MICAL3: variants seen among roughly 807,000 people sequenced by gnomAD.
MICAL3 encodes microtubule associated monooxygenase, calponin and LIM domain containing 3.
A neutral mutation model predicts 207.4 loss-of-function variants in MICAL3; 62 were observed. That is an observed-to-expected ratio of 0.30 (90% confidence interval 0.24 to 0.37). The LOEUF (loss-of-function observed/expected upper bound fraction) is 0.37. Among genes scored for constraint, MICAL3 ranks in the 10% least tolerant of loss-of-function variants. The pLI, the probability that MICAL3 is intolerant of heterozygous loss-of-function variation, is 1.00. For synonymous variants in MICAL3, 1,077 were observed against 1,069.3 expected (o/e 1.01, Z -0.14); for missense variants, 2,368 against 2,635.6 (o/e 0.90, Z 2.22).
intron 1 of MICAL3, among the ~76,000 whole-genome samples, chr22:17,960,014 T>C (rs1934824336): frequency 1.3e-5 from 2 of 152,168 alleles, no homozygotes; most frequent in African/African-American, 4.8e-5. Context: ...TTAACGTCTG[T>C]GGATAAACTG....
intron 1 of MICAL3, among the ~76,000 whole-genome samples, chr22:17,928,801 C>CT (rs994949217): frequency 6.6e-6 from 1 of 152,000 alleles, no homozygotes; most frequent in Non-Finnish European, 1.5e-5. Flanking sequence ...ACCCTTAGAA[C>CT]TTTTTTTTCT....
At chr22:17,822,257 A>G in intron 23 of MICAL3, 87 bp from the exon 24 acceptor site, 4 of 1,475,806 alleles carry the variant, frequency 2.7e-6, no homozygotes, top group Non-Finnish European at 3.6e-6. Context: ...CCACTTGCTC[A>G]TTTGCAACAC....
At chr22:17,799,949 AACAC>A (rs3078144) in intron 29 of MICAL3, among the ~76,000 whole-genome samples, 33,425 of 146,580 alleles carry the variant, frequency 0.23, 4,040 homozygotes, top group South Asian at 0.28. Context: ...CTCACTCTAA[AACAC>A]ACACACACAC....
At chr22:17,957,812 TGAA>T (rs974561847) in intron 1 of MICAL3, among the ~76,000 whole-genome samples, 2 of 151,618 alleles carry the variant, frequency 1.3e-5, no homozygotes, top group Admixed American at 6.6e-5. Context: ...AGAGAAGCTC[TGAA>T]GAAGATGAAA....
chr22:17,958,643 G>C (rs1032752518), intron 1 of MICAL3, among the ~76,000 whole-genome samples: 3 of 152,134 alleles, frequency 2.0e-5, no homozygotes, highest in African/African-American at 7.2e-5. Flanking sequence ...ACCACAAGAA[G>C]TGGGCTGAAG....
intron 19 of MICAL3, chr22:17,861,417 C>T (rs1047840855): frequency 4.1e-6 from 4 of 985,292 alleles, no homozygotes; most frequent in African/African-American, 1.7e-5. Flanking sequence ...CATCTCTGGC[C>T]GGTAATGAAC....
At chr22:17,929,568 CTTTTTTTTT>C (rs67222681) in intron 1 of MICAL3, among the ~76,000 whole-genome samples, 11 of 108,902 alleles carry the variant, frequency 1.0e-4, no homozygotes, top group African/African-American at 2.5e-4. Flanking sequence ...CTTTTCTTTT[CTTTTTTTTT>C]TTTTTTTTTT....
In MICAL3 at chr22:17,841,054, G is replaced by C. The variant is rs1463324615; in HGVS notation, c.2801+768C>G. 6.6e-6 allele frequency: 1 copy of C among 152,272 alleles called. No homozygotes were observed. Among genetic ancestry groups the C allele is most frequent in the Non-Finnish European group, 1.5e-5 (1 of 68,098 alleles). 9.4% of individuals were successfully genotyped at this position (152,272 alleles called of 1,614,324 possible). A position where few individuals can be genotyped will look rare whatever the true frequency, so the allele number is the denominator to read the frequency against. On this transcript the variant is annotated intron_variant, in intron 20 of 31. Coordinates refer to ENST00000441493, the MANE Select transcript of MICAL3 (RefSeq NM_015241.3). The surrounding 1 kb of genome is among the most constrained non-coding windows in gnomAD (Gnocchi z 4.2). The stretch of plus-strand genomic sequence containing the variant: ...ATCCCCACATGTTCCCTTCATCATG[G>C]CTAAATCAAGGTGTGTGATTCAAAT...
chr22:17,833,188 T>C (rs560681319), intron 20 of MICAL3, among the ~76,000 whole-genome samples: 34 of 152,316 alleles, frequency 2.2e-4, no homozygotes, highest in African/African-American at 8.2e-4. Context: ...CAAAACCGGG[T>C]TCCTTGCAAC....
chr22:17,846,295 A>G (rs1924616196), intron 19 of MICAL3, among the ~76,000 whole-genome samples: 1 of 152,178 alleles, frequency 6.6e-6, no homozygotes, highest in African/African-American at 2.4e-5. Context: ...TTCCAAAGGG[A>G]AGGTGGTACT....
chr22:17,830,472 G>A (rs1442542880), intron 21 of MICAL3, among the ~76,000 whole-genome samples: 2 of 152,336 alleles, frequency 1.3e-5, no homozygotes, highest in Non-Finnish European at 2.9e-5. Flanking sequence ...AACGTGCTTC[G>A]ACCCGAAGCT....
At position 17,889,066 on chromosome 22, in the gene MICAL3, T is replaced by C. The variant is rs1310529389; in HGVS notation, c.1859A>G (p.Tyr620Cys). 6.2e-7 allele frequency: 1 copy of C among 1,611,856 alleles called. No homozygotes were observed. Among genetic ancestry groups the C allele is most frequent in the Non-Finnish European group, 8.5e-7 (1 of 1,178,358 alleles). Residue 620 changes from tyrosine to cysteine, a missense_variant, in exon 13 of 32, where the codon TAC (tyrosine) becomes TGC (cysteine). Physicochemically the swap from Tyr to Cys is radical, Grantham distance 194. This residue lies in a region of MICAL3 where 1,770 missense variants were observed against 1,863.2 expected (regional missense o/e 0.95). Coordinates refer to ENST00000441493, the MANE Select transcript of MICAL3 (RefSeq NM_015241.3). ...GGGGAGGGAGTCCTTAAACATCTCG[T>C]AGAACTGAGTCAGGTACATCACCAT... The part of the protein sequence containing the change: ...LSMVMYLTQF[Y>C]EMFKDSLPSS...
chr22:17,915,337 AGCTG>A (rs892554935), intron 1 of MICAL3, among the ~76,000 whole-genome samples: 1 of 152,234 alleles, frequency 6.6e-6, no homozygotes, highest in African/African-American at 2.4e-5. Flanking sequence ...AGACCCAGGA[AGCTG>A]GCTGGTTGGT....
intron 1 of MICAL3, 139 bp from the exon 2 acceptor site, chr22:17,907,025 C>T: frequency 2.0e-6 from 1 of 498,698 alleles, no homozygotes; most frequent in Non-Finnish European, 3.5e-6. Context: ...CTGCAATACT[C>T]CAGGCACTAC....
chr22:17,951,060 C>T (rs1214158806), intron 1 of MICAL3, among the ~76,000 whole-genome samples: 1 of 152,218 alleles, frequency 6.6e-6, no homozygotes, highest in Non-Finnish European at 1.5e-5. Flanking sequence ...CTCTCTCCAA[C>T]TGGGCATCTG....
intron 16 of MICAL3, chr22:17,881,151 C>T (rs1387515806): frequency 4.1e-6 from 6 of 1,452,982 alleles, no homozygotes; most frequent in Non-Finnish European, 5.8e-6. Context: ...TAGCCACCTA[C>T]ACAGACAGGC....
At chr22:17,792,197 A>T (rs890134723) in intron 29 of MICAL3, among the ~76,000 whole-genome samples, 2 of 152,208 alleles carry the variant, frequency 1.3e-5, no homozygotes, top group Non-Finnish European at 2.9e-5. Context: ...GGAGCACAGA[A>T]GTTCATGGCA....
intron 17 of MICAL3, among the ~76,000 whole-genome samples, chr22:17,870,906 C>T (rs1927661440): frequency 6.6e-6 from 1 of 152,178 alleles, no homozygotes; most frequent in Non-Finnish European, 1.5e-5. Flanking sequence ...ACTGTTTGTT[C>T]ACCCTCAGGA....
rs770229662 is a variant in MICAL3, at chr22:17,901,896, G to A, written c.673C>T (p.Arg225Trp). Residue 225 changes from arginine to tryptophan, a missense_variant, in exon 5 of 32, where the codon CGG becomes TGG. Arg to Trp is a moderately radical substitution (Grantham distance 101). Coordinates refer to ENST00000441493, the MANE Select transcript of MICAL3 (RefSeq NM_015241.3). ...EFEVIIGGDGRRNTLEGFRRK... is the reference protein window; with the variant it reads ...EFEVIIGGDGWRNTLEGFRRK... Reference sequence around the variant, plus strand: ...CCAATACCTTCCAAGGTGTTCCTCCGACCATCCCCACCGATGATCACTTCA... The same window carrying A: ...CCAATACCTTCCAAGGTGTTCCTCCAACCATCCCCACCGATGATCACTTCA... 6.2e-6 allele frequency: 10 copies of A among 1,613,310 alleles called. No homozygotes were observed. Among genetic ancestry groups the A allele is most frequent in the Non-Finnish European group, 8.5e-6 (10 of 1,179,592 alleles).
Sources: allele counts gnomAD v4.1 joint callset (sites outside exome capture counted in the v4.1 genomes callset), GRCh38; gene constraint gnomAD v4.1.1; regional missense constraint gnomAD v4.1.1; non-coding constraint Gnocchi (gnomAD v3.1); transcripts MANE v1.5; gene names NCBI Gene and HGNC (gene_info 2026-07-23, HGNC 2026-07-21).